The following TPO variants were observed in gnomAD, a reference collection of about 807,000 sequenced individuals.
TPO encodes the protein thyroid microsomal antigen.
In TPO, 78 loss-of-function variants were observed where a neutral mutation model predicts 96.9. The ratio of observed to expected loss-of-function variants is 0.81; its 90% confidence interval spans 0.67 to 0.97. The LOEUF (loss-of-function observed/expected upper bound fraction) is 0.97. Among genes scored for constraint, TPO ranks in the 50% least tolerant of loss-of-function variants. TPO has a pLI of 0.00. For synonymous variants in TPO, 547 were observed against 538.0 expected, an observed-to-expected ratio of 1.02 and a Z score of -0.23; for missense variants, 1,252 against 1,274.8, an observed-to-expected ratio of 0.98 and a Z score of 0.27.
At chr2:1,531,863 CACTGTGTGCAACCTCCTCAAATCACCCT>C (rs1416730826) in intron 15 of TPO, among the ~76,000 whole-genome samples, 2 of 91,486 alleles carry the variant, frequency 2.2e-5, no homozygotes, top group African/African-American at 4.1e-5. Context: ...AAATCCCTCA[CACTGTGTGCAACCTCCTCAAATCACCCT>C]ACTGTGTGCA....
chr2:1,422,959 A>G, intron 2 of TPO, 86 bp from the exon 3 acceptor site: 1 of 1,481,390 alleles, frequency 6.8e-7, no homozygotes, highest in South Asian at 1.2e-5. Flanking sequence ...TCACCGCAGC[A>G]AGATGGGCTT....
At chr2:1,426,924 A>G (rs1250487194) in intron 3 of TPO, among the ~76,000 whole-genome samples, 1 of 152,226 alleles carries the variant, frequency 6.6e-6, no homozygotes, top group Non-Finnish European at 1.5e-5. Flanking sequence ...TCACTCATGG[A>G]CAGTGGTATG....
At chr2:1,496,219 C>A (rs147142465) in intron 12 of TPO, 22 bp downstream of exon 12, 1 of 1,609,938 alleles carries the variant, frequency 6.2e-7, no homozygotes, top group Non-Finnish European at 8.5e-7. Flanking sequence ...TCTCCTCTCA[C>A]ACCACGTTAC....
At chr2:1,522,896 A>G (rs1675488582) in intron 15 of TPO, among the ~76,000 whole-genome samples, 1 of 128,954 alleles carries the variant, frequency 7.8e-6, no homozygotes, top group African/African-American at 3.0e-5. Flanking sequence ...ACCTCCTCAA[A>G]TCCCCCCACT....
chr2:1,488,841 G>A (rs139254837), intron 10 of TPO, among the ~76,000 whole-genome samples: 190 of 152,310 alleles, frequency 1.2e-3, no homozygotes, highest in Admixed American at 3.9e-3. Flanking sequence ...AGTGGCATCT[G>A]GAAGGGCTGG....
intron 10 of TPO, among the ~76,000 whole-genome samples, chr2:1,489,162 G>A (rs1671463357): frequency 1.4e-5 from 2 of 145,938 alleles, no homozygotes; most frequent in Non-Finnish European, 3.0e-5. Context: ...CACATACCCA[G>A]CACACACCTG....
chr2:1,540,737 T>C lies in TPO; in HGVS notation c.2748+14T>C. The C allele has an allele frequency of 6.2e-7, 1 of 1,613,222 alleles. No homozygotes were observed. The highest frequency in any genetic ancestry group is 8.5e-7 in the Non-Finnish European group (1 of 1,180,002). ...GACTCGGAGCAGGTGGGCCACACCA[T>C]GCCGCATGTTTCCAGCTGCCACCGC... On this transcript the variant is annotated intron_variant, in intron 16 of 16. Transcript: ENST00000329066.
chr2:1,510,896 T>A (rs569760186), intron 14 of TPO, among the ~76,000 whole-genome samples: 61 of 152,310 alleles, frequency 4.0e-4, no homozygotes, highest in African/African-American at 1.5e-3. Flanking sequence ...TAGATATAGA[T>A]ATAAATTTAC....
chr2:1,437,844 G>A (rs1553303341), intron 5 of TPO, among the ~76,000 whole-genome samples: 1 of 151,908 alleles, frequency 6.6e-6, no homozygotes, highest in South Asian at 2.1e-4. Context: ...CTGGGGGGGG[G>A]TCTGTGCCTT....
At chr2:1,471,609 C>T (rs955034943) in intron 7 of TPO, among the ~76,000 whole-genome samples, 1 of 152,146 alleles carries the variant, frequency 6.6e-6, no homozygotes, top group African/African-American at 2.4e-5. Context: ...CGAGTCTCTT[C>T]CTCTCCCTCC....
At chr2:1,404,510 G>A (rs1015866310) in intron 1 of TPO, among the ~76,000 whole-genome samples, 2 of 152,178 alleles carry the variant, frequency 1.3e-5, no homozygotes, top group Non-Finnish European at 2.9e-5. Flanking sequence ...AGGCCATTAG[G>A]TTTGGCCCTA....
intron 1 of TPO, among the ~76,000 whole-genome samples, chr2:1,396,641 T>A (rs1406584130): frequency 6.6e-6 from 1 of 152,158 alleles, no homozygotes; most frequent in East Asian, 1.9e-4. Flanking sequence ...TGCGTGAGGA[T>A]GGGCATCGCG....
intron 1 of TPO, chr2:1,413,836 C>T (rs1662601464): frequency 1.5e-6 from 1 of 668,816 alleles, no homozygotes; most frequent in Non-Finnish European, 1.8e-6. Context: ...AAAATAGCCA[C>T]AGAAAGCCTA....
upstream of TPO, among the ~76,000 whole-genome samples, chr2:1,411,840 G>GTGGATAA (rs551257170): frequency 1.2e-4 from 18 of 152,310 alleles, no homozygotes; most frequent in East Asian, 3.3e-3. Flanking sequence ...ACTAAGGCCA[G>GTGGATAA]TGGATAATCC....
chr2:1,524,959 T>C (rs1269571676), intron 15 of TPO, among the ~76,000 whole-genome samples: 7 of 73,962 alleles, frequency 9.5e-5, no homozygotes, highest in African/African-American at 1.8e-4. Flanking sequence ...CTGTGCAACC[T>C]CCCCAAATCC....
intron 13 of TPO, among the ~76,000 whole-genome samples, chr2:1,501,168 A>C (rs1672836452): frequency 6.6e-6 from 1 of 150,948 alleles, no homozygotes; most frequent in Admixed American, 6.6e-5. Flanking sequence ...ACCAGTACTA[A>C]TTTACTTAGA....
chr2:1,521,298 C>T (rs372450154), intron 15 of TPO, among the ~76,000 whole-genome samples: 6 of 152,298 alleles, frequency 3.9e-5, no homozygotes, highest in South Asian at 2.1e-4. Context: ...TGTGAGCTGA[C>T]GGGTGCTGTT....
intron 1 of TPO, among the ~76,000 whole-genome samples, chr2:1,406,569 TGCTG>T (rs1662253542): frequency 6.6e-6 from 1 of 152,224 alleles, no homozygotes; most frequent in Non-Finnish European, 1.5e-5. Flanking sequence ...GAGATGCTCT[TGCTG>T]GCCATGGCTC....
intron 5 of TPO, among the ~76,000 whole-genome samples, chr2:1,449,383 C>T (rs1228560888): frequency 1.3e-5 from 2 of 151,902 alleles, no homozygotes; most frequent in East Asian, 3.9e-4. Flanking sequence ...CACCTTTTTT[C>T]CCTCTCACTT....
Sources: allele counts gnomAD v4.1 joint callset (sites outside exome capture counted in the v4.1 genomes callset), GRCh38; gene constraint gnomAD v4.1.1; transcripts MANE v1.5; gene names NCBI Gene and HGNC (gene_info 2026-07-23, HGNC 2026-07-21).